GALNTL6: variants seen among roughly 807,000 people sequenced by gnomAD.
GALNTL6 encodes the protein polypeptide N-acetylgalactosaminyltransferase-like 6.
A neutral mutation model predicts 73.7 loss-of-function variants in GALNTL6; 46 were observed. That is an observed-to-expected ratio of 0.62 (90% CI 0.49 to 0.80). The LOEUF is 0.80. Among genes scored for constraint, GALNTL6 ranks in the 30% least tolerant of loss-of-function variants. GALNTL6 has a pLI of 0.00. For missense variants in GALNTL6, 604 were observed against 755.0 expected (o/e 0.80, Z 2.34); for synonymous variants, 259 against 263.7 (o/e 0.98, Z 0.17).
intron 2 of GALNTL6, among the ~76,000 whole-genome samples, chr4:171,870,313 C>A (rs774359479): frequency 5.7e-4 from 87 of 152,236 alleles, no homozygotes; most frequent in Middle Eastern, 3.4e-3. Flanking sequence ...TCTTGAATTC[C>A]TTCTTTCTGT....
At chr4:172,814,149 T>C (rs1202168459) in intron 7 of GALNTL6, among the ~76,000 whole-genome samples, 3 of 152,348 alleles carry the variant, frequency 2.0e-5, no homozygotes, top group African/African-American at 7.2e-5. Context: ...CTACTTTCTA[T>C]ACCCTGTTGA....
intron 5 of GALNTL6, among the ~76,000 whole-genome samples, chr4:172,439,045 G>T (rs2111397263): frequency 6.6e-6 from 1 of 151,662 alleles, no homozygotes; most frequent in South Asian, 2.1e-4. Flanking sequence ...CTCTCTCATT[G>T]TTATAAATAT....
At chr4:172,246,659 C>G (rs1737670826) in intron 3 of GALNTL6, among the ~76,000 whole-genome samples, 1 of 151,794 alleles carries the variant, frequency 6.6e-6, no homozygotes, top group African/African-American at 2.4e-5. Flanking sequence ...TACAGCAAAT[C>G]TTTTACTTTC....
intron 5 of GALNTL6, among the ~76,000 whole-genome samples, chr4:172,554,612 C>T (rs925150089): frequency 5.3e-5 from 8 of 152,158 alleles, no homozygotes; most frequent in Admixed American, 3.9e-4. Flanking sequence ...ACTTTTACTT[C>T]TAACACCAGA....
chr4:171,909,727 C>A (rs966823912), intron 2 of GALNTL6, among the ~76,000 whole-genome samples: 4 of 152,102 alleles, frequency 2.6e-5, no homozygotes, highest in Non-Finnish European at 5.9e-5. Flanking sequence ...TTTGAAGGAT[C>A]TTAACATGTA....
intron 7 of GALNTL6, among the ~76,000 whole-genome samples, chr4:172,876,651 C>T (rs1745208432): frequency 6.6e-6 from 1 of 152,062 alleles, no homozygotes. Flanking sequence ...CTCTTATCCC[C>T]ATAGAACCTC....
At chr4:171,939,705 G>T (rs1053795819) in intron 2 of GALNTL6, among the ~76,000 whole-genome samples, 6 of 151,922 alleles carry the variant, frequency 3.9e-5, no homozygotes, top group African/African-American at 1.4e-4. Flanking sequence ...TGTCAAAATA[G>T]ATATCTGCTG....
intron 5 of GALNTL6, among the ~76,000 whole-genome samples, chr4:172,568,059 T>C (rs1736623765): frequency 1.3e-5 from 2 of 152,212 alleles, no homozygotes; most frequent in Non-Finnish European, 2.9e-5. Flanking sequence ...AAGTCCTTGA[T>C]GGTTAATTAC....
chr4:172,995,460 A>T (rs1751736101), intron 10 of GALNTL6, among the ~76,000 whole-genome samples: 1 of 152,184 alleles, frequency 6.6e-6, no homozygotes, highest in African/African-American at 2.4e-5. Flanking sequence ...CCTGCTTTTA[A>T]ATATCTTGAC....
At chr4:173,036,672 G>A (rs569810916) in intron 12 of GALNTL6, among the ~76,000 whole-genome samples, 4 of 152,336 alleles carry the variant, frequency 2.6e-5, no homozygotes, top group African/African-American at 9.6e-5. Context: ...AAAGGGAAAT[G>A]CACTGCTGGA....
Position 172,151,820 on chromosome 4 carries a change from A to T in GALNTL6, c.139-77836A>T, listed in dbSNP as rs563082260. Among the ~76,000 whole-genome samples the T allele has an allele frequency of 5.3e-5, 8 of 152,054 alleles. No homozygotes were observed. In the East Asian group the frequency reaches 1.5e-3, roughly 29 times the overall value. On this transcript the variant is annotated intron_variant, in intron 2 of 12. Transcript: ENST00000506823. ...TCCCTACACTTGGGTAGCACACTTC[A>T]TGGGGGACGGCTGTGACACTACCTC...
At chr4:172,205,663 TATCAGAG>T (rs1291854781) in intron 2 of GALNTL6, among the ~76,000 whole-genome samples, 1 of 152,240 alleles carries the variant, frequency 6.6e-6, no homozygotes. Flanking sequence ...TAGGCAGTGT[TATCAGAG>T]AAGCTACTGC....
chr4:172,605,039 A>T (rs1738202793), intron 5 of GALNTL6, among the ~76,000 whole-genome samples: 1 of 152,224 alleles, frequency 6.6e-6, no homozygotes, highest in African/African-American at 2.4e-5. Flanking sequence ...GAAAGCACAG[A>T]TATTAGCATT....
At chr4:172,699,556 G>A (rs561740114) in intron 5 of GALNTL6, among the ~76,000 whole-genome samples, 2 of 152,164 alleles carry the variant, frequency 1.3e-5, no homozygotes, top group Admixed American at 6.5e-5. Context: ...AAATAAGTCC[G>A]CAATAAAAAC....
intron 2 of GALNTL6, among the ~76,000 whole-genome samples, chr4:171,976,202 C>T (rs933170271): frequency 6.6e-6 from 1 of 152,144 alleles, no homozygotes; most frequent in Non-Finnish European, 1.5e-5. Context: ...GGAATACAGG[C>T]GTAAGCCACT....
At chr4:172,105,856 G>A (rs1202208821) in intron 2 of GALNTL6, among the ~76,000 whole-genome samples, 1 of 152,078 alleles carries the variant, frequency 6.6e-6, no homozygotes, top group Non-Finnish European at 1.5e-5. Flanking sequence ...AGAAAAGAGT[G>A]AGCAAAATAA....
chr4:172,264,561 T>TATATATATATAC (rs1738374799), intron 3 of GALNTL6, among the ~76,000 whole-genome samples: 1 of 20,754 alleles, frequency 4.8e-5, no homozygotes, highest in Non-Finnish European at 8.2e-5. Context: ...GCCAAATATA[T>TATATATATATAC]ATATATATAT....
chr4:172,774,582 G>A (rs1738964038), intron 5 of GALNTL6, among the ~76,000 whole-genome samples: 1 of 152,136 alleles, frequency 6.6e-6, no homozygotes, highest in Admixed American at 6.5e-5. Context: ...GAATGAAGTC[G>A]AAACATGTAG....
intron 5 of GALNTL6, among the ~76,000 whole-genome samples, chr4:172,351,018 G>A (rs1402970663): frequency 6.6e-6 from 1 of 152,130 alleles, no homozygotes; most frequent in Non-Finnish European, 1.5e-5. Context: ...ATGATGGAGG[G>A]CCGCCATGGA....
Sources: gnomAD v4.1 joint callset for allele counts (sites outside exome capture counted in the v4.1 genomes callset) on GRCh38, gnomAD v4.1.1 for gene constraint, MANE v1.5 for transcripts, NCBI Gene and HGNC (gene_info 2026-07-23, HGNC 2026-07-21) for gene names.